The following SGCD variants were observed in gnomAD, a reference collection of about 807,000 sequenced individuals.
SGCD encodes sarcoglycan delta.
In SGCD, 18 loss-of-function variants were observed where a neutral mutation model predicts 36.6. The ratio of observed to expected loss-of-function variants is 0.49; its 90% CI spans 0.34 to 0.73. The LOEUF (loss-of-function observed/expected upper bound fraction) is 0.73, where lower values mean the gene tolerates loss of function less well. Among genes scored for constraint, SGCD ranks in the 30% least tolerant of loss-of-function variants. SGCD has a pLI of 0.01. For synonymous variants in SGCD, 133 were observed against 130.6 expected (o/e 1.02, Z -0.12); for missense variants, 387 against 346.7 (o/e 1.12, Z -0.92).
chr5:156,350,355 C>T (rs1041251068), intron 3 of SGCD, among the ~76,000 whole-genome samples: 7 of 150,528 alleles, frequency 4.7e-5, no homozygotes, highest in Non-Finnish European at 7.4e-5. Context: ...TTTGGGAAAG[C>T]TCACACTGTA....
chr5:156,414,145 A>G (rs971799214), intron 3 of SGCD, among the ~76,000 whole-genome samples: 1 of 152,226 alleles, frequency 6.6e-6, no homozygotes, highest in Middle Eastern at 3.2e-3. Flanking sequence ...TAAAATACTT[A>G]AAGTAGCACT....
chr5:156,504,373 T>C (rs1458220080), intron 3 of SGCD, among the ~76,000 whole-genome samples: 1 of 140,340 alleles, frequency 7.1e-6, no homozygotes, highest in African/African-American at 2.8e-5. Context: ...TGTACATGAG[T>C]ATATGTGGGT....
intron 3 of SGCD, among the ~76,000 whole-genome samples, chr5:156,127,847 A>G (rs1762214343): frequency 6.8e-6 from 1 of 147,012 alleles, no homozygotes; most frequent in Non-Finnish European, 1.5e-5. Flanking sequence ...AGACTGAAAC[A>G]TAAATGCAAA....
At chr5:155,803,374 C>T in the SGCD span, among the ~76,000 whole-genome samples, 1 of 152,080 alleles carries the variant, frequency 6.6e-6, no homozygotes, top group East Asian at 1.9e-4. Flanking sequence ...GCAGTTGGGA[C>T]CATGGAGAGA....
At chr5:156,493,325 A>T (rs1330856504) in intron 3 of SGCD, among the ~76,000 whole-genome samples, 1 of 152,170 alleles carries the variant, frequency 6.6e-6, no homozygotes, top group Non-Finnish European at 1.5e-5. Flanking sequence ...ATCATGTACA[A>T]TGCATCTCTT....
intron 1 of SGCD, among the ~76,000 whole-genome samples, chr5:156,006,580 T>C (rs879402271): frequency 6.6e-6 from 1 of 152,178 alleles, no homozygotes; most frequent in African/African-American, 2.4e-5. Context: ...TTTTGTTCAC[T>C]CAACATGAGA....
rs6860458 is a variant in SGCD at position 156,582,224 on chromosome 5, T to C, written c.295-7007T>C. 3.1e-3 allele frequency among the ~76,000 whole-genome samples: 478 copies of C among 152,306 alleles called. 4 individuals are homozygous for C. The highest frequency in any genetic ancestry group is 9.9e-3 in the African/African-American group (411 of 41,564). On this transcript the variant is annotated intron_variant, in intron 4 of 8. Transcript: ENST00000337851. ...AGATGAAATTGTAACCTTGGAAACA[T>C]AGAAGAGTGCATTGTTCATTGTCAA... is the stretch of plus-strand genomic sequence containing the variant.
In SGCD at chr5:156,127,631, TA is replaced by T. The variant is rs1183449661; in HGVS notation, c.-44+3615del. Reference sequence around the variant, plus strand: ...GACTCTGTCCCTATAAAAATAAAAATAAATAATAAAACAATAGAGAGTTCTG... The same window carrying T: ...GACTCTGTCCCTATAAAAATAAAAATAATAATAAAACAATAGAGAGTTCTG... On this transcript the variant is annotated intron_variant, in intron 3 of 9. Coordinates refer to the SGCD transcript ENST00000517913. 5.9e-5 allele frequency among the ~76,000 whole-genome samples: 9 copies of T among 151,282 alleles called. No individual in the cohort carries two copies. The East Asian group carries it at 1.6e-3, about 26-fold the overall frequency.
At chr5:156,022,734 A>G (rs1581047008) in intron 1 of SGCD, among the ~76,000 whole-genome samples, 1 of 152,286 alleles carries the variant, frequency 6.6e-6, no homozygotes, top group East Asian at 1.9e-4. Context: ...TTTTAAATAC[A>G]ATATTCATTG....
At chr5:156,095,770 A>G (rs944233139) in intron 1 of SGCD, among the ~76,000 whole-genome samples, 3 of 152,222 alleles carry the variant, frequency 2.0e-5, no homozygotes, top group Admixed American at 6.5e-5. Context: ...GTGGCTGGGT[A>G]AAGAGTCCCA....
the SGCD span, among the ~76,000 whole-genome samples, chr5:155,820,538 A>G: frequency 1.3e-5 from 2 of 151,944 alleles, no homozygotes; most frequent in South Asian, 4.1e-4. Context: ...AAACAAACAA[A>G]TAAATAAAAC....
chr5:155,985,573 T>C (rs1253274070), intron 1 of SGCD, among the ~76,000 whole-genome samples: 1 of 152,168 alleles, frequency 6.6e-6, no homozygotes, highest in Admixed American at 6.6e-5. Flanking sequence ...TTATTCTGTC[T>C]ACCATAAACC....
the SGCD span, among the ~76,000 whole-genome samples, chr5:155,739,325 G>A: frequency 6.6e-6 from 1 of 152,224 alleles, no homozygotes; most frequent in Non-Finnish European, 1.5e-5. Flanking sequence ...CAAGTACAAA[G>A]GCTGTGATGT....
intron 1 of SGCD, among the ~76,000 whole-genome samples, chr5:156,022,988 A>C (rs1759141544): frequency 6.6e-6 from 1 of 152,230 alleles, no homozygotes; most frequent in Non-Finnish European, 1.5e-5. Flanking sequence ...TTTTTCTCTT[A>C]AGTGTAGCAC....
chr5:156,076,971 T>C (rs1760803006), intron 1 of SGCD, among the ~76,000 whole-genome samples: 1 of 152,228 alleles, frequency 6.6e-6, no homozygotes, highest in Non-Finnish European at 1.5e-5. Context: ...ATACAATGTT[T>C]GTTTTACTGC....
chr5:156,589,089 T>C, intron 4 of SGCD, 142 bp from the exon 5 acceptor site: 1 of 611,606 alleles, frequency 1.6e-6, no homozygotes, highest in South Asian at 2.1e-5. Context: ...TAGGGATCTT[T>C]AAACATTTGG....
At chr5:156,612,866 G>A (rs975536504) in intron 6 of SGCD, among the ~76,000 whole-genome samples, 1 of 152,212 alleles carries the variant, frequency 6.6e-6, no homozygotes, top group Non-Finnish European at 1.5e-5. Context: ...CTTTGGGGCA[G>A]TGCAACTGCA....
intron 7 of SGCD, among the ~76,000 whole-genome samples, chr5:156,691,018 C>T (rs1373545668): frequency 2.0e-5 from 3 of 151,710 alleles, no homozygotes; most frequent in Admixed American, 1.3e-4. Context: ...ACCAACCTGG[C>T]CAACATGGTG....
intron 1 of SGCD, among the ~76,000 whole-genome samples, chr5:155,875,641 C>T (rs1325216631): frequency 6.6e-6 from 1 of 151,462 alleles, no homozygotes; most frequent in Non-Finnish European, 1.5e-5. Context: ...CAAGATGGCT[C>T]CACTTTTTTT....
Sources: gnomAD v4.1 joint callset for allele counts (sites outside exome capture counted in the v4.1 genomes callset) on GRCh38, gnomAD v4.1.1 for gene constraint, MANE v1.5 for transcripts, NCBI Gene and HGNC (gene_info 2026-07-23, HGNC 2026-07-21) for gene names.